LSM14A: variants seen among roughly 807,000 people sequenced by gnomAD.
LSM14A encodes the protein LSM14A mRNA processing body assembly factor, also known as protein LSM14 homolog A.
Under a neutral mutation model 52.4 loss-of-function variants are expected in LSM14A, and 14 were observed. The ratio of observed to expected loss-of-function variants is 0.27; its 90% CI spans 0.18 to 0.42. The LOEUF is 0.42. LSM14A is among the 10% of genes least tolerant of loss of function. The probability of loss-of-function intolerance (pLI) is 1.00; values close to 1 mark genes in which losing one functional copy is unlikely to be tolerated. For missense variants in LSM14A, 417 were observed against 581.8 expected (o/e 0.72, Z 2.91); for synonymous variants, 185 against 200.3 (o/e 0.92, Z 0.64).
At chr19:34,213,118 T>C (rs2072289650) in intron 4 of LSM14A, among the ~76,000 whole-genome samples, 1 of 149,712 alleles carries the variant, frequency 6.7e-6, no homozygotes, top group African/African-American at 2.6e-5. Context: ...GCCACTGCAC[T>C]CCAGCCAGAG....
chr19:34,221,258 T>C (rs971519188), intron 8 of LSM14A: 16 of 459,450 alleles, frequency 3.5e-5, no homozygotes, highest in Non-Finnish European at 6.3e-5. Flanking sequence ...ATTTTTTGTA[T>C]TTTTGGTAGA....
intron 4 of LSM14A, among the ~76,000 whole-genome samples, chr19:34,213,687 G>A (rs965191679): frequency 6.6e-5 from 10 of 152,196 alleles, no homozygotes; most frequent in East Asian, 5.8e-4. Context: ...GGGAGCACCC[G>A]ATGTTACATT....
At chr19:34,186,617 G>A (rs1375952076) in intron 1 of LSM14A, among the ~76,000 whole-genome samples, 2 of 152,168 alleles carry the variant, frequency 1.3e-5, no homozygotes, top group African/African-American at 2.4e-5. Flanking sequence ...GAATCTTCAA[G>A]TTGAAATTTA....
At chr19:34,210,043 T>C (rs2072018795) in intron 4 of LSM14A, among the ~76,000 whole-genome samples, 3 of 152,170 alleles carry the variant, frequency 2.0e-5, no homozygotes, top group Non-Finnish European at 4.4e-5. Flanking sequence ...TTATGCACTT[T>C]AGAAATGGGT....
Position 34,228,499 on chromosome 19 carries a change from C to G in LSM14A, c.*1111C>G, listed in dbSNP as rs1210012200. ...TACCTTGACTCATTCCATCATATTT[C>G]AAGAGGATTCAGAGTGCTAGAAATT... On this transcript the variant is annotated 3_prime_UTR_variant, in exon 10 of 10. Coordinates refer to ENST00000544216, the MANE Select transcript of LSM14A (RefSeq NM_015578.4). 6.6e-6 allele frequency: 1 copy of G among 152,580 alleles called. No homozygotes were observed. The highest frequency in any genetic ancestry group is 1.5e-5 in the Non-Finnish European group (1 of 68,038). 9.5% of individuals were successfully genotyped at this position (152,580 alleles called of 1,614,324 possible). A position where few individuals can be genotyped will look rare whatever the true frequency, so the allele number is the denominator to read the frequency against.
intron 4 of LSM14A, among the ~76,000 whole-genome samples, chr19:34,209,529 A>G (rs2071978654): frequency 6.6e-6 from 1 of 152,146 alleles, no homozygotes; most frequent in East Asian, 1.9e-4. Context: ...AAATCCTGAG[A>G]CTTATACATC....
intron 3 of LSM14A, among the ~76,000 whole-genome samples, chr19:34,197,003 T>C (rs1283691193): frequency 6.6e-6 from 1 of 151,944 alleles, no homozygotes; most frequent in East Asian, 1.9e-4. Flanking sequence ...AAAAAATGGA[T>C]ATACTAGGTA....
At chr19:34,213,501 G>A (rs937162570) in intron 4 of LSM14A, among the ~76,000 whole-genome samples, 11 of 152,188 alleles carry the variant, frequency 7.2e-5, no homozygotes, top group Non-Finnish European at 1.5e-4. Context: ...CTCACCAGTT[G>A]TTTGACACCT....
intron 9 of LSM14A, 67 bp from the exon 10 acceptor site, chr19:34,227,298 G>A: frequency 9.4e-7 from 1 of 1,062,710 alleles, no homozygotes; most frequent in South Asian, 1.4e-5. Flanking sequence ...ATAAACTTGA[G>A]CAAAGTAAAA....
intron 1 of LSM14A, among the ~76,000 whole-genome samples, chr19:34,192,234 T>A (rs1464384984): frequency 6.7e-6 from 1 of 148,516 alleles, no homozygotes; most frequent in Non-Finnish European, 1.5e-5. Context: ...CCACTGTCTT[T>A]CCTGGAAGTC....
At chr19:34,187,630 A>T (rs2070025623) in intron 1 of LSM14A, among the ~76,000 whole-genome samples, 1 of 152,160 alleles carries the variant, frequency 6.6e-6, no homozygotes. Flanking sequence ...TACTAGCTTC[A>T]CTTAACTATG....
At chr19:34,205,825 C>T (rs553413452) in intron 3 of LSM14A, among the ~76,000 whole-genome samples, 7 of 152,092 alleles carry the variant, frequency 4.6e-5, no homozygotes, top group African/African-American at 1.7e-4. Flanking sequence ...TCAGCAAAGT[C>T]AAGAGTTTGT....
Position 34,215,265 on chromosome 19 carries a change from G to A in LSM14A, c.680G>A (p.Ser227Asn). The change falls in exon 5 of 10, where the codon AGC (serine) becomes AAC (asparagine). Residue 227 changes from serine to asparagine, a missense_variant. By Grantham distance (46) the Ser-to-Asn change is conservative (BLOSUM62 1). Coordinates refer to ENST00000544216, the MANE Select transcript of LSM14A (RefSeq NM_015578.4). Reference protein sequence around the residue: ...PVSTRPLPSASQKAGENQEHR... With the variant: ...PVSTRPLPSANQKAGENQEHR... ...TCAACCAGGCCTTTGCCATCTGCCA[G>A]CCAAAAGGCAGGAGAGAATCAGGAG... The A allele has an allele frequency of 6.2e-7, 1 of 1,613,734 alleles. No individual in the cohort carries two copies. Among genetic ancestry groups the A allele is most frequent in the Non-Finnish European group, 8.5e-7 (1 of 1,179,902 alleles).
intron 1 of LSM14A, 61 bp from the exon 2 acceptor site, chr19:34,194,417 T>G (rs1012880398): frequency 7.4e-7 from 1 of 1,344,900 alleles, no homozygotes; most frequent in African/African-American, 1.4e-5. Context: ...ATTTAGAATC[T>G]GGGGTACTAC....
chr19:34,217,978 A>G (rs1003945200), intron 6 of LSM14A, among the ~76,000 whole-genome samples: 1 of 143,922 alleles, frequency 6.9e-6, no homozygotes, highest in South Asian at 2.2e-4. Context: ...AGACACAGAC[A>G]TCTATACCCA....
chr19:34,199,193 C>T (rs920999487), intron 3 of LSM14A, among the ~76,000 whole-genome samples: 44 of 152,088 alleles, frequency 2.9e-4, no homozygotes, highest in East Asian at 9.7e-4. Flanking sequence ...GGCACGATCC[C>T]GGCTCATTGC....
At chr19:34,194,087 C>T (rs75797599) in intron 1 of LSM14A, among the ~76,000 whole-genome samples, 4,309 of 152,194 alleles carry the variant, frequency 0.028, 96 homozygotes, top group Admixed American at 0.054. Flanking sequence ...ATAGAAGGAT[C>T]GCCTGAGCCC....
rs368872726 is a variant in LSM14A at position 34,200,748 on chromosome 19, G to A, written c.415+3985G>A. On this transcript the variant is annotated intron_variant, in intron 3 of 9. Transcript: ENST00000544216. ...TTTGGTCCATAAATTTCCAAATCCA[G>A]TAGTAAGATCAATGTTATTTATTCA... Among the ~76,000 whole-genome samples the A allele has an allele frequency of 7.2e-5, 11 of 152,248 alleles. No individual in the cohort carries two copies. In the East Asian group the frequency reaches 7.7e-4, roughly 11 times the overall value.
rs566699696 is a variant in LSM14A, at chr19:34,210,843, A to G, written c.538+1792A>G. On this transcript the variant is annotated intron_variant, in intron 4 of 9. Coordinates refer to ENST00000544216, the MANE Select transcript of LSM14A (RefSeq NM_015578.4). ...CACCTTGGCCTCCCAAAGTGCTGGG[A>G]TTATAGGCATGAGCCACAGTGCCCG... Among the ~76,000 whole-genome samples, 4 of 151,604 alleles carry G rather than the reference A, an allele frequency of 2.6e-5. No homozygotes were observed. In the East Asian group the frequency reaches 7.9e-4, roughly 30 times the overall value.
Sources: allele counts gnomAD v4.1 joint callset (sites outside exome capture counted in the v4.1 genomes callset), GRCh38; gene constraint gnomAD v4.1.1; transcripts MANE v1.5; gene names NCBI Gene and HGNC (gene_info 2026-07-23, HGNC 2026-07-21).